PKHD1: variants seen among roughly 807,000 people sequenced by gnomAD.
The protein encoded by PKHD1 is fibrocystin.
In PKHD1, 291 loss-of-function variants were observed where a neutral mutation model predicts 412.0. The ratio of observed to expected loss-of-function variants is 0.71; its 90% CI spans 0.64 to 0.78. The LOEUF is 0.78. Ranked by LOEUF, PKHD1 falls within the 30% of genes least tolerant of loss-of-function variation. The probability of loss-of-function intolerance (pLI) is 0.00; values close to 1 mark genes in which losing one functional copy is unlikely to be tolerated. For synonymous variants in PKHD1, 1,777 were observed against 1,821.5 expected (o/e 0.98, Z 0.62); for missense variants, 4,825 against 4,950.7 (o/e 0.97, Z 0.76).
At position 52,025,122 on chromosome 6, in the gene PKHD1, C is replaced by T; in HGVS notation, c.4688G>A (p.Gly1563Asp). 6.2e-7 allele frequency: 1 copy of T among 1,614,120 alleles called. No homozygotes were observed. Among genetic ancestry groups the T allele is most frequent in the South Asian group, 1.1e-5 (1 of 91,078 alleles). The change falls in exon 32 of 67, where the codon GGT becomes GAT. Residue 1563 changes from glycine to aspartate, a missense_variant. Gly to Asp is a moderately conservative substitution (Grantham distance 94). Transcript: ENST00000371117. ...AATGTAGAAGTGTCTGGAAACATTA[C>T]CAGAACAAGCATACCCATTTCTTGT... ...FYTRNGYACS[G>D]NVSRHFYIMP...
chr6:51,815,783 G>A (rs1459742222), intron 52 of PKHD1, among the ~76,000 whole-genome samples: 1 of 152,088 alleles, frequency 6.6e-6, no homozygotes, highest in Non-Finnish European at 1.5e-5. Context: ...GGGTTTCTCA[G>A]GTTTCTGTAA....
At position 52,070,992 on chromosome 6, in the gene PKHD1, C is replaced by T; in HGVS notation, c.667+14G>A. ...TGGATAAGACTTTAAAATTATGTTA[C>T]TTCTCTAACAGACCGATGTAGTCGC... On this transcript the variant is annotated intron_variant, in intron 9 of 66. Transcript: ENST00000371117. The T allele has an allele frequency of 1.3e-6, 2 of 1,534,156 alleles. No homozygotes were observed. Among genetic ancestry groups the T allele is most frequent in the Non-Finnish European group, 1.8e-6 (2 of 1,107,172 alleles).
chr6:51,696,600 A>G (rs1274280585), intron 60 of PKHD1, among the ~76,000 whole-genome samples: 2 of 152,188 alleles, frequency 1.3e-5, no homozygotes, highest in Non-Finnish European at 2.9e-5. Context: ...TATTTTCAGA[A>G]CAGAAAGAGA....
intron 49 of PKHD1, among the ~76,000 whole-genome samples, chr6:51,851,051 T>C (rs893798657): frequency 6.6e-6 from 1 of 152,206 alleles, no homozygotes; most frequent in African/African-American, 2.4e-5. Flanking sequence ...ATAGCTGTTA[T>C]TATTTTGAGA....
At chr6:51,825,408 G>A (rs1767139385) in intron 52 of PKHD1, among the ~76,000 whole-genome samples, 2 of 152,066 alleles carry the variant, frequency 1.3e-5, no homozygotes, top group Non-Finnish European at 2.9e-5. Flanking sequence ...ACCTTTCTTA[G>A]GCTATTCTTT....
intron 35 of PKHD1, among the ~76,000 whole-genome samples, chr6:51,990,790 CAGCA>C (rs1021085074): frequency 6.6e-6 from 1 of 151,470 alleles, no homozygotes; most frequent in Non-Finnish European, 1.5e-5. Flanking sequence ...GTAACTTATT[CAGCA>C]GGCAGCATCA....
intron 65 of PKHD1, among the ~76,000 whole-genome samples, chr6:51,627,395 TA>T: frequency 6.6e-6 from 1 of 152,026 alleles, no homozygotes; most frequent in Non-Finnish European, 1.5e-5. Flanking sequence ...GTATTGTAAG[TA>T]TAATGTACAC....
At chr6:51,724,399 C>T (rs1782305682) in intron 60 of PKHD1, among the ~76,000 whole-genome samples, 1 of 152,136 alleles carries the variant, frequency 6.6e-6, no homozygotes, top group Non-Finnish European at 1.5e-5. Context: ...GGTATTTAAG[C>T]CATAATCATC....
chr6:51,915,565 G>A (rs1783647732), intron 37 of PKHD1, among the ~76,000 whole-genome samples: 1 of 152,024 alleles, frequency 6.6e-6, no homozygotes, highest in African/African-American at 2.4e-5. Context: ...GCACCCCAAT[G>A]TCTTGGTGTC....
intron 36 of PKHD1, among the ~76,000 whole-genome samples, chr6:51,939,258 A>G (rs1788073974): frequency 6.7e-6 from 1 of 148,610 alleles, no homozygotes; most frequent in Non-Finnish European, 1.5e-5. Context: ...AGTGGCAAGT[A>G]CCGCTTTTCT....
intron 52 of PKHD1, among the ~76,000 whole-genome samples, chr6:51,827,129 T>C (rs1006261011): frequency 3.9e-5 from 6 of 152,182 alleles, no homozygotes; most frequent in African/African-American, 9.6e-5. Flanking sequence ...AATCGTATTA[T>C]GTAAAAATGG....
chr6:51,901,233 C>T (rs189132483), intron 43 of PKHD1, among the ~76,000 whole-genome samples: 173 of 152,180 alleles, frequency 1.1e-3, no homozygotes, highest in Non-Finnish European at 1.5e-3. Flanking sequence ...ATGTTTATTG[C>T]GGCATTAGTC....
intron 44 of PKHD1, among the ~76,000 whole-genome samples, chr6:51,886,474 A>G (rs1778232374): frequency 6.6e-6 from 1 of 152,250 alleles, no homozygotes; most frequent in African/African-American, 2.4e-5. Flanking sequence ...TTTAAAGAGA[A>G]GGAAATCCTG....
chr6:52,044,090 T>A (rs752757572), intron 25 of PKHD1, among the ~76,000 whole-genome samples: 9 of 152,230 alleles, frequency 5.9e-5, no homozygotes, highest in Non-Finnish European at 1.2e-4. Context: ...GCTCTTTATT[T>A]GCTAGTAAAG....
At chr6:51,766,910 T>G (rs897388008) in intron 55 of PKHD1, among the ~76,000 whole-genome samples, 4 of 152,124 alleles carry the variant, frequency 2.6e-5, no homozygotes, top group Admixed American at 6.6e-5. Flanking sequence ...ATTGTTTTGC[T>G]TGTTATGATC....
At chr6:51,808,801 T>C (rs537251838) in intron 52 of PKHD1, among the ~76,000 whole-genome samples, 1 of 152,258 alleles carries the variant, frequency 6.6e-6, no homozygotes, top group African/African-American at 2.4e-5. Flanking sequence ...GCCATTGGAA[T>C]TGGAGTTCAG....
intron 48 of PKHD1, among the ~76,000 whole-genome samples, chr6:51,865,271 G>C (rs1774871589): frequency 6.6e-6 from 1 of 152,138 alleles, no homozygotes; most frequent in African/African-American, 2.4e-5. Context: ...ACATAAACTA[G>C]ACTCTGCCTT....
chr6:51,909,224 T>C (rs145624778), intron 40 of PKHD1, 59 bp downstream of exon 40: 110 of 1,202,496 alleles, frequency 9.1e-5, no homozygotes, highest in Non-Finnish European at 1.3e-4. Context: ...ACCATGCATG[T>C]AGTGCCTTAA....
intron 35 of PKHD1, among the ~76,000 whole-genome samples, chr6:51,978,953 CAT>C (rs35921843): frequency 0.29 from 43,865 of 151,976 alleles, 6,504 homozygotes; most frequent in East Asian, 0.41. Flanking sequence ...TCAGCCATAA[CAT>C]GTGTATAATG....
Sources: gnomAD v4.1 joint callset for allele counts (sites outside exome capture counted in the v4.1 genomes callset) on GRCh38, gnomAD v4.1.1 for gene constraint, MANE v1.5 for transcripts, NCBI Gene and HGNC (gene_info 2026-07-23, HGNC 2026-07-21) for gene names.